TGM4: variants seen among roughly 807,000 people sequenced by gnomAD.
TGM4 encodes the protein transglutaminase 4, also known as protein-glutamine gamma-glutamyltransferase 4.
Under a neutral mutation model 76.3 loss-of-function variants are expected in TGM4, and 61 were observed. The observed-to-expected ratio is 0.80, with a 90% CI of 0.65 to 0.99. TGM4 has a LOEUF of 0.99. Ranked by LOEUF, TGM4 falls within the 50% of genes least tolerant of loss-of-function variation. TGM4 has a pLI of 0.00. For synonymous variants in TGM4, 337 were observed against 329.8 expected, an observed-to-expected ratio of 1.02 and a Z score of -0.24; for missense variants, 794 against 843.2, an observed-to-expected ratio of 0.94 and a Z score of 0.72.
chr3:44,893,838 T>C (rs553604751), intron 5 of TGM4, 143 bp downstream of exon 5: 8 of 746,546 alleles, frequency 1.1e-5, no homozygotes, highest in Admixed American at 5.7e-5. Context: ...AACTTGGCCA[T>C]AGAGGGGTGA....
rs141993204 is a variant in TGM4, at chr3:44,882,136, A to G, written c.20-3189A>G. Among the ~76,000 whole-genome samples, 1,136 of 143,414 alleles carry G rather than the reference A, an allele frequency of 7.9e-3. 12 individuals carry two copies. The highest frequency in any genetic ancestry group is 0.047 in the South Asian group (203 of 4,336). The allele number at this position is 143,414 out of a possible 152,430, so 94.1% of individuals were successfully genotyped here. ...GCGTGTTGTGGCTATTCACAGCTGCAATCATAGCTCACTGCAGCCTCAAAC... is the reference window on the plus strand; with the variant it reads ...GCGTGTTGTGGCTATTCACAGCTGCGATCATAGCTCACTGCAGCCTCAAAC... On this transcript the variant is annotated intron_variant, in intron 1 of 13. Transcript: ENST00000296125.
intron 13 of TGM4, among the ~76,000 whole-genome samples, chr3:44,912,192 A>G (rs1303216655): frequency 6.6e-6 from 1 of 152,230 alleles, no homozygotes; most frequent in African/African-American, 2.4e-5. Flanking sequence ...TTAAATTTTA[A>G]TGTAGTCAAA....
intron 4 of TGM4, among the ~76,000 whole-genome samples, chr3:44,891,050 A>G (rs1699687572): frequency 6.6e-6 from 1 of 152,160 alleles, no homozygotes; most frequent in Admixed American, 6.5e-5. Context: ...CTTCCTTGCC[A>G]GCTCCAGGTC....
At chr3:44,893,799 C>T (rs1477988536) in intron 5 of TGM4, 104 bp downstream of exon 5, 14 of 1,031,434 alleles carry the variant, frequency 1.4e-5, no homozygotes, top group Non-Finnish European at 1.7e-5. Context: ...TTGTGAACCT[C>T]GGGTCAAACG....
intron 8 of TGM4, among the ~76,000 whole-genome samples, chr3:44,902,157 C>T (rs1208046587): frequency 6.6e-6 from 1 of 152,178 alleles, no homozygotes; most frequent in Non-Finnish European, 1.5e-5. Context: ...CCCTCCCAAC[C>T]CAGAGATTCT....
At position 44,896,817 on chromosome 3, in the gene TGM4, G is replaced by C; in HGVS notation, c.657+1G>C. 4.3e-6 allele frequency: 7 copies of C among 1,613,574 alleles called. No individual in the cohort carries two copies. The highest frequency in any genetic ancestry group is 4.2e-6 in the Non-Finnish European group (5 of 1,179,500). On this transcript the variant is annotated splice_donor_variant, in intron 6 of 13. Transcript: ENST00000296125. LOFTEE classifies it high-confidence loss of function. ...GGTGTGCAGGGCCATGTGTGCTATG[G>C]TAGGTATGGAAAGCCTGGGCTGATG...
chr3:44,910,911 G>T (rs562013512), intron 11 of TGM4, 47 bp from the exon 12 acceptor site: 2 of 1,587,996 alleles, frequency 1.3e-6, no homozygotes, highest in African/African-American at 2.7e-5. Flanking sequence ...CTCATACTGG[G>T]GGGGTATGAT....
In TGM4 at chr3:44,896,818, T is replaced by G. The variant is rs373009122; in HGVS notation, c.657+2T>G. 5.5e-5 allele frequency: 89 copies of G among 1,613,198 alleles called. No individual in the cohort carries two copies. The highest frequency in any genetic ancestry group is 7.3e-5 in the Non-Finnish European group (86 of 1,179,318). On this transcript the variant is annotated splice_donor_variant, in intron 6 of 13. Coordinates refer to ENST00000296125, the MANE Select transcript of TGM4 (RefSeq NM_003241.4). LOFTEE classifies it high-confidence loss of function. ...GTGTGCAGGGCCATGTGTGCTATGG[T>G]AGGTATGGAAAGCCTGGGCTGATGC... is the stretch of plus-strand genomic sequence containing the variant.
chr3:44,885,290 G>A, intron 1 of TGM4, 35 bp from the exon 2 acceptor site: 1 of 1,569,002 alleles, frequency 6.4e-7, no homozygotes, highest in Non-Finnish European at 8.7e-7. Context: ...AACATTCTCT[G>A]TGCTCTCTTT....
At chr3:44,880,378 A>G (rs1302079916) in intron 1 of TGM4, among the ~76,000 whole-genome samples, 7 of 152,230 alleles carry the variant, frequency 4.6e-5, no homozygotes, top group Non-Finnish European at 7.3e-5. Context: ...CTTTCTCAGT[A>G]TGGGGGAATC....
intron 11 of TGM4, 89 bp downstream of exon 11, chr3:44,910,457 A>G: frequency 6.9e-7 from 1 of 1,457,778 alleles, no homozygotes; most frequent in Non-Finnish European, 9.2e-7. Context: ...CAACTTCCAT[A>G]CATTGATAAA....
intron 6 of TGM4, chr3:44,899,087 T>C (rs1179731683): frequency 6.6e-6 from 1 of 152,214 alleles, no homozygotes; most frequent in Non-Finnish European, 1.5e-5. Context: ...ATCTCATCTT[T>C]TGGGTGATTA....
intron 1 of TGM4, among the ~76,000 whole-genome samples, chr3:44,882,129 C>A (rs1195538583): frequency 7.5e-6 from 1 of 133,372 alleles, no homozygotes; most frequent in African/African-American, 2.8e-5. Context: ...TGGCTATTCA[C>A]AGCTGCAATC....
At position 44,914,723 on chromosome 3, in the gene TGM4, G is replaced by GAGTT. The variant is rs1272202649; in HGVS notation, c.*999_*1002dup. ...ATCTCCCCAGGCAAGGTGCTCTGAG[G>GAGTT]AGTTGGCTTCTTTATTGTCTGTTCA... On this transcript the variant is annotated 3_prime_UTR_variant, in exon 14 of 14. Coordinates refer to ENST00000296125, the MANE Select transcript of TGM4 (RefSeq NM_003241.4). 2 of 152,138 alleles carry GAGTT rather than the reference G, an allele frequency of 1.3e-5. No individual in the cohort carries two copies. The highest frequency in any genetic ancestry group is 2.1e-4 in the South Asian group (1 of 4,828). The allele number at this position is 152,138 out of a possible 1,614,324, so 9.4% of individuals were successfully genotyped here.
intron 8 of TGM4, chr3:44,903,593 A>G (rs1699882420): frequency 2.5e-6 from 1 of 400,034 alleles, no homozygotes; most frequent in Non-Finnish European, 4.6e-6. Context: ...CACCATCTCT[A>G]GTGGTGAAGA....
rs1001862983 is a variant in TGM4 at position 44,903,941 on chromosome 3, C to T, written c.1029C>T (p.Tyr343=). ...WMKRPDLPKG[Y]DGWQAVDATP... ...AGCGACCGGATCTGCCCAAGGGCTA[C>T]GACGGCTGGCAGGCTGTGGACGCAA... Residue 343 remains tyrosine (Y), a synonymous_variant, in exon 9 of 14, where the codon TAC becomes TAT. Transcript: ENST00000296125. 9 of 1,614,062 alleles carry T rather than the reference C, an allele frequency of 5.6e-6. No homozygotes were observed. The highest frequency in any genetic ancestry group is 2.7e-5 in the African/African-American group (2 of 74,928).
intron 1 of TGM4, 63 bp from the exon 2 acceptor site, chr3:44,885,262 A>G: frequency 6.7e-7 from 1 of 1,503,394 alleles, no homozygotes; most frequent in Non-Finnish European, 9.0e-7. Context: ...GAACCCAGAA[A>G]GAGGTGATCA....
At chr3:44,889,997 C>A (rs537185873) in intron 3 of TGM4, among the ~76,000 whole-genome samples, 8 of 152,232 alleles carry the variant, frequency 5.3e-5, no homozygotes, top group African/African-American at 1.9e-4. Context: ...ACAATCATGG[C>A]AGAAGAGGAA....
In TGM4 at chr3:44,901,585, G is replaced by A; in HGVS notation, c.719G>A (p.Gly240Asp). ...AATTGGACTGGGGACTACGAAGGTGGCACAGCCCCATACAAGTGGACAGGC... is the reference window on the plus strand; with the variant it reads ...AATTGGACTGGGGACTACGAAGGTGACACAGCCCCATACAAGTGGACAGGC... ...IGNWTGDYEG[G>D]TAPYKWTGSA... The change falls in exon 7 of 14, where the codon GGC becomes GAC. Residue 240 changes from glycine to aspartate, a missense_variant. Transcript: ENST00000296125. 1.2e-6 allele frequency: 2 copies of A among 1,613,994 alleles called. No homozygotes were observed. The highest frequency in any genetic ancestry group is 8.5e-7 in the Non-Finnish European group (1 of 1,179,936).
Sources: gnomAD v4.1 joint callset for allele counts (sites outside exome capture counted in the v4.1 genomes callset) on GRCh38, gnomAD v4.1.1 for gene constraint, MANE v1.5 for transcripts, NCBI Gene and HGNC (gene_info 2026-07-23, HGNC 2026-07-21) for gene names.